The following PHF20L1 variants were observed in gnomAD, a reference collection of about 807,000 sequenced individuals.
PHF20L1 encodes PHD finger protein 20 like 1, also known as PHD finger protein 20-like protein 1.
PHF20L1 carries 44 observed loss-of-function variants against 125.5 expected under a neutral mutation model. The ratio of observed to expected loss-of-function variants is 0.35; its 90% CI spans 0.28 to 0.45. The LOEUF is 0.45. Ranked by LOEUF, PHF20L1 falls within the 20% of genes least tolerant of loss-of-function variation. The probability of loss-of-function intolerance (pLI) is 1.00; values close to 1 mark genes in which losing one functional copy is unlikely to be tolerated. For synonymous variants in PHF20L1, 380 were observed against 403.1 expected (o/e 0.94, Z 0.69); for missense variants, 1,012 against 1,217.2 (o/e 0.83, Z 2.51).
chr8:132,829,029 G>A (rs1209493290), intron 14 of PHF20L1, among the ~76,000 whole-genome samples: 1 of 152,032 alleles, frequency 6.6e-6, no homozygotes, highest in Non-Finnish European at 1.5e-5. Context: ...GGGACTTTAT[G>A]TAGGAGACTA....
intron 9 of PHF20L1, chr8:132,813,166 G>C (rs1834575649): frequency 3.0e-5 from 29 of 955,026 alleles, no homozygotes; most frequent in Non-Finnish European, 3.6e-5. Context: ...ATGTGAAGAT[G>C]AACAATAAAA....
chr8:132,811,693 A>G, intron 9 of PHF20L1: 1 of 985,394 alleles, frequency 1.0e-6, no homozygotes, highest in Non-Finnish European at 1.2e-6. Context: ...CAGTTGCTAG[A>G]TTTTGCCTTG....
Position 132,846,105 on chromosome 8 carries a change from T to C in PHF20L1, c.*182T>C, listed in dbSNP as rs972371519. On this transcript the variant is annotated 3_prime_UTR_variant, in exon 21 of 21. Coordinates refer to ENST00000395386, the MANE Select transcript of PHF20L1 (RefSeq NM_016018.5). ...AGAACAACTTTATCAAGGAAGCTAG[T>C]ATTTAAAAACAAATTCATGAGCAAG... 1 of 515,954 alleles carries C rather than the reference T, an allele frequency of 1.9e-6. No individual in the cohort carries two copies. Among genetic ancestry groups the C allele is most frequent in the Non-Finnish European group, 3.4e-6 (1 of 290,362 alleles). 32.0% of individuals were successfully genotyped at this position (515,954 alleles called of 1,614,324 possible). A position where few individuals can be genotyped will look rare whatever the true frequency, so the allele number is the denominator to read the frequency against.
At chr8:132,843,841 G>T (rs902829450) in intron 19 of PHF20L1, 1 of 984,846 alleles carries the variant, frequency 1.0e-6, no homozygotes, top group East Asian at 1.1e-4. Context: ...TGAGGAAGAG[G>T]CCAGTCTAAA....
At position 132,842,840 on chromosome 8, in the gene PHF20L1, C is replaced by T; in HGVS notation, c.2713C>T (p.Gln905Ter). 6.2e-7 allele frequency: 1 copy of T among 1,611,066 alleles called. No homozygotes were observed. Among genetic ancestry groups the T allele is most frequent in the Non-Finnish European group, 8.5e-7 (1 of 1,178,356 alleles). The change falls in exon 19 of 21, where the codon CAG becomes TAG. Residue 905 changes from glutamine (Q) to a stop codon, truncating the protein, a stop_gained. Coordinates refer to ENST00000395386, the MANE Select transcript of PHF20L1 (RefSeq NM_016018.5). LOFTEE classifies it high-confidence loss of function. ...CCACATGAGAAGTAAAAACAGTTTA[C>T]AGTACTCAGCAAAAGAACATGGAAT... is the stretch of plus-strand genomic sequence containing the variant. ...EFHMRSKNSL[Q>*]YSAKEHGMPE...
At chr8:132,789,756 T>C (rs1389606745) in intron 2 of PHF20L1, among the ~76,000 whole-genome samples, 1 of 152,168 alleles carries the variant, frequency 6.6e-6, no homozygotes, top group African/African-American at 2.4e-5. Flanking sequence ...CATGAAGTTT[T>C]AAGTGGAATT....
At chr8:132,790,121 C>T (rs1276308020) in intron 2 of PHF20L1, among the ~76,000 whole-genome samples, 1 of 152,152 alleles carries the variant, frequency 6.6e-6, no homozygotes, top group Non-Finnish European at 1.5e-5. Context: ...AAAACAACAA[C>T]ATTAACACTA....
chr8:132,844,947 T>C (rs570265026), intron 20 of PHF20L1, among the ~76,000 whole-genome samples: 1 of 152,060 alleles, frequency 6.6e-6, no homozygotes, highest in African/African-American at 2.4e-5. Flanking sequence ...GCACCCCAAC[T>C]TTACTTTTTT....
intron 15 of PHF20L1, among the ~76,000 whole-genome samples, chr8:132,832,717 G>A (rs923702051): frequency 6.6e-6 from 1 of 152,042 alleles, no homozygotes; most frequent in Non-Finnish European, 1.5e-5. Context: ...TAAACAAGCC[G>A]AAACTTACAG....
rs768901803 is a variant in PHF20L1 at position 132,832,395 on chromosome 8, T to C, written c.1905T>C (p.Gly635=). The change falls in exon 15 of 21, where the codon GGT becomes GGC. Residue 635 remains glycine (G), a synonymous_variant. Transcript: ENST00000395386. ...PRAILSVDLS[G]ENLSDVDFLD... ...CAATTCTATCCGTTGATCTTAGTGGTGAAAGTATGTGTAACCATGTGATGG... is the reference window on the plus strand; with the variant it reads ...CAATTCTATCCGTTGATCTTAGTGGCGAAAGTATGTGTAACCATGTGATGG... 2 of 1,607,560 alleles carry C rather than the reference T, an allele frequency of 1.2e-6. No homozygotes were observed. The highest frequency in any genetic ancestry group is 2.2e-5 in the South Asian group (2 of 90,860).
intron 12 of PHF20L1, among the ~76,000 whole-genome samples, chr8:132,823,607 T>C (rs1187591950): frequency 6.6e-6 from 1 of 151,944 alleles, no homozygotes; most frequent in Admixed American, 6.6e-5. Flanking sequence ...AAATTACGTA[T>C]TTACCAGTCT....
chr8:132,811,922 C>T, intron 9 of PHF20L1: 1 of 975,138 alleles, frequency 1.0e-6, no homozygotes, highest in Non-Finnish European at 1.2e-6. Context: ...ATAAAGAAGA[C>T]TTTGAGTATC....
intron 12 of PHF20L1, chr8:132,817,838 G>C (rs796079295): frequency 6.0e-5 from 15 of 249,256 alleles, no homozygotes; most frequent in African/African-American, 3.4e-4. Context: ...TAAATTATTA[G>C]AGCCAAGTAT....
intron 12 of PHF20L1, chr8:132,818,526 TTTA>T (rs1835224132): frequency 6.6e-6 from 1 of 151,912 alleles, no homozygotes; most frequent in Admixed American, 6.6e-5. Context: ...TATACTTATT[TTTA>T]TTAATTTTTA....
rs567767302 is a variant in PHF20L1 at position 132,844,213 on chromosome 8, C to T, written c.2806C>T (p.Pro936Ser). 1.2e-6 allele frequency: 2 copies of T among 1,612,740 alleles called. No individual in the cohort carries two copies. Among genetic ancestry groups the T allele is most frequent in the Non-Finnish European group, 1.7e-6 (2 of 1,179,072 alleles). The change falls in exon 20 of 21, where the codon CCA becomes TCA. Residue 936 changes from proline to serine, a missense_variant. Pro to Ser is a moderately conservative substitution (Grantham distance 74, BLOSUM62 -1). Coordinates refer to ENST00000395386, the MANE Select transcript of PHF20L1 (RefSeq NM_016018.5). The part of the protein sequence containing the change: ...VYNDKKGTED[P>S]GDSHLQWQLN... ...TAATGATAAAAAGGGCACCGAAGACCCAGGAGACTCACATCTTCAGTGGCA... is the reference window on the plus strand; with the variant it reads ...TAATGATAAAAAGGGCACCGAAGACTCAGGAGACTCACATCTTCAGTGGCA...
intron 2 of PHF20L1, among the ~76,000 whole-genome samples, chr8:132,781,412 CTTATT>C (rs1018713250): frequency 6.6e-5 from 10 of 151,804 alleles, no homozygotes; most frequent in African/African-American, 7.3e-5. Context: ...TTTATTTTAT[CTTATT>C]TTATTTATTT....
intron 8 of PHF20L1, among the ~76,000 whole-genome samples, chr8:132,805,006 G>A (rs1833519602): frequency 6.6e-6 from 1 of 151,830 alleles, no homozygotes; most frequent in Admixed American, 6.6e-5. Context: ...AAAGCTCAGT[G>A]ATTTTTAAAT....
intron 2 of PHF20L1, among the ~76,000 whole-genome samples, chr8:132,792,811 G>A (rs1358109916): frequency 6.6e-6 from 1 of 152,092 alleles, no homozygotes; most frequent in Non-Finnish European, 1.5e-5. Context: ...ACATTTTCGT[G>A]ATAAAAGGGG....
intron 19 of PHF20L1, chr8:132,843,702 C>T: frequency 2.0e-6 from 2 of 984,232 alleles, no homozygotes; most frequent in South Asian, 9.4e-5. Context: ...CATTGATTTA[C>T]TGTACTATAA....
Sources: gnomAD v4.1 joint callset for allele counts (sites outside exome capture counted in the v4.1 genomes callset) on GRCh38, gnomAD v4.1.1 for gene constraint, MANE v1.5 for transcripts, NCBI Gene and HGNC (gene_info 2026-07-23, HGNC 2026-07-21) for gene names.